TRPV5: variants seen among roughly 807,000 people sequenced by gnomAD.
The protein encoded by TRPV5 is transient receptor potential cation channel subfamily V member 5.
TRPV5 carries 66 observed loss-of-function variants against 74.1 expected under a neutral mutation model. That is an observed-to-expected ratio of 0.89 (90% CI 0.73 to 1.09). The LOEUF is 1.09. TRPV5 is among the 50% of genes least tolerant of loss of function. The pLI, the probability that TRPV5 is intolerant of heterozygous loss-of-function variation, is 0.00. For missense variants in TRPV5, 936 were observed against 930.4 expected, an observed-to-expected ratio of 1.01 and a Z score of -0.08; for synonymous variants, 399 against 360.7, an observed-to-expected ratio of 1.11 and a Z score of -1.20.
chr7:142,915,798 TC>T (rs1424744709), intron 8 of TRPV5, among the ~76,000 whole-genome samples: 1 of 152,230 alleles, frequency 6.6e-6, no homozygotes, highest in African/African-American at 2.4e-5. Flanking sequence ...TGAGCTACCA[TC>T]TAGCAAAATC....
chr7:142,910,206 A>C (rs906667540), intron 13 of TRPV5, among the ~76,000 whole-genome samples: 1 of 152,260 alleles, frequency 6.6e-6, no homozygotes, highest in Non-Finnish European at 1.5e-5. Context: ...CAACAGAAGC[A>C]ATATAAAATT....
intron 8 of TRPV5, 102 bp from the exon 9 acceptor site, chr7:142,915,670 C>T: frequency 8.9e-7 from 1 of 1,129,024 alleles, no homozygotes; most frequent in East Asian, 2.6e-5. Context: ...ATAAAGGAAA[C>T]TCCCCTTCCC....
chr7:142,924,254 G>GTATATATATACA (rs1795933252), intron 8 of TRPV5, among the ~76,000 whole-genome samples: 1 of 118,908 alleles, frequency 8.4e-6, no homozygotes, highest in African/African-American at 3.7e-5. Flanking sequence ...ACATATACAT[G>GTATATATATACA]TATATATATA....
chr7:142,911,484 C>T (rs1180780859), intron 13 of TRPV5, among the ~76,000 whole-genome samples: 2 of 152,228 alleles, frequency 1.3e-5, no homozygotes, highest in Non-Finnish European at 2.9e-5. Flanking sequence ...TTTGGGTTCT[C>T]ATCTTAAATG....
intron 7 of TRPV5, 21 bp downstream of exon 7, chr7:142,928,067 G>T (rs756302583): frequency 6.2e-7 from 1 of 1,614,016 alleles, no homozygotes; most frequent in Admixed American, 1.7e-5. Context: ...TGACAGGCCT[G>T]ATCCTCCTTG....
intron 14 of TRPV5, 47 bp from the exon 15 acceptor site, chr7:142,908,855 G>A (rs1354463378): frequency 1.7e-5 from 27 of 1,572,350 alleles, no homozygotes; most frequent in Non-Finnish European, 2.2e-5. Flanking sequence ...GGGGAGACAT[G>A]GGCAGGGGAG....
intron 8 of TRPV5, among the ~76,000 whole-genome samples, chr7:142,918,989 ATTGGGGT>A (rs1795841945): frequency 6.6e-6 from 1 of 152,118 alleles, no homozygotes; most frequent in Non-Finnish European, 1.5e-5. Flanking sequence ...ACATTGAGCT[ATTGGGGT>A]TCTGGGTTGC....
At chr7:142,911,123 G>C (rs953636709) in intron 13 of TRPV5, among the ~76,000 whole-genome samples, 1 of 152,174 alleles carries the variant, frequency 6.6e-6, no homozygotes, top group African/African-American at 2.4e-5. Flanking sequence ...TCGGAGCTGC[G>C]TGTTGCATTG....
chr7:142,913,286 GGTGGAGCCTACTGGATA>G (rs1795734088), intron 12 of TRPV5, among the ~76,000 whole-genome samples: 1 of 152,192 alleles, frequency 6.6e-6, no homozygotes, highest in Admixed American at 6.5e-5. Context: ...TCCTGCTTAG[GGTGGAGCCTACTGGATA>G]GCAGTGAGCG....
At chr7:142,914,069 A>G (rs1795750460) in intron 12 of TRPV5, among the ~76,000 whole-genome samples, 1 of 152,022 alleles carries the variant, frequency 6.6e-6, no homozygotes. Flanking sequence ...CTGTTCTCCC[A>G]GTCTCTCTTC....
chr7:142,923,367 T>G (rs1053641370), intron 8 of TRPV5, among the ~76,000 whole-genome samples: 3 of 152,204 alleles, frequency 2.0e-5, no homozygotes, highest in African/African-American at 7.2e-5. Context: ...GAAAACAGAA[T>G]CTTTCAAATC....
At chr7:142,919,906 C>A (rs1246883747) in intron 8 of TRPV5, among the ~76,000 whole-genome samples, 1 of 152,166 alleles carries the variant, frequency 6.6e-6, no homozygotes, top group African/African-American at 2.4e-5. Flanking sequence ...AGCTCTAGAC[C>A]TTTTTCCCCC....
chr7:142,929,493 G>A lies in TRPV5; in HGVS notation c.422C>T (p.Ala141Val). Residue 141 changes from alanine (A) to valine (V), a missense_variant, in exon 4 of 15, where the codon GCC becomes GTC. Physicochemically the swap from Ala to Val is moderately conservative, Grantham distance 64. Coordinates refer to ENST00000265310, the MANE Select transcript of TRPV5 (RefSeq NM_019841.7). The stretch of plus-strand genomic sequence containing the variant: ...GCCTGTGGCTCTGGCAGAGACACTG[G>A]CCCTGCGGGTGAGCAGGGCACGCAC... ...NLVRALLTRR[A>V]SVSARATGTA... is the part of the protein sequence containing the mutation. 2 of 1,614,160 alleles carry A rather than the reference G, an allele frequency of 1.2e-6. No homozygotes were observed. Among genetic ancestry groups the A allele is most frequent in the South Asian group, 1.1e-5 (1 of 91,086 alleles).
Position 142,930,597 on chromosome 7 carries a change from C to T in TRPV5, c.129-151G>A, listed in dbSNP as rs1167034523. On this transcript the variant is annotated intron_variant, in intron 1 of 14. Coordinates refer to ENST00000265310, the MANE Select transcript of TRPV5 (RefSeq NM_019841.7). ...GAAGTGCCTACTGGACTCGAATGAC[C>T]GAGGGTGGACTTGGGCAAGGGTCAG... The T allele has an allele frequency of 6.7e-5, 45 of 669,418 alleles. 1 individual carries two copies. Among genetic ancestry groups the T allele is most frequent in the Middle Eastern group, 2.6e-4 (1 of 3,892 alleles). The allele number at this position is 669,418 out of a possible 1,614,324, so 41.5% of individuals were successfully genotyped here. A position where few individuals can be genotyped will look rare whatever the true frequency, so the allele number is the denominator to read the frequency against.
chr7:142,921,353 C>A (rs1206086364), intron 8 of TRPV5, among the ~76,000 whole-genome samples: 1 of 152,156 alleles, frequency 6.6e-6, no homozygotes, highest in Non-Finnish European at 1.5e-5. Context: ...GTGATCTCGG[C>A]TCACTGCAAC....
intron 3 of TRPV5, 107 bp from the exon 4 acceptor site, chr7:142,929,672 AGACTTC>A (rs1796051328): frequency 7.2e-6 from 11 of 1,523,954 alleles, no homozygotes; most frequent in Non-Finnish European, 8.9e-6. Flanking sequence ...GATCTTTGCT[AGACTTC>A]TGCCCTGGGC....
chr7:142,929,602 G>C, intron 3 of TRPV5, 37 bp from the exon 4 acceptor site: 1 of 1,604,674 alleles, frequency 6.2e-7, no homozygotes, highest in Non-Finnish European at 8.5e-7. Flanking sequence ...GTCTCCCTCT[G>C]TCCCCAGTTC....
chr7:142,930,008 C>T, intron 3 of TRPV5, 50 bp downstream of exon 3: 4 of 1,613,140 alleles, frequency 2.5e-6, no homozygotes, highest in Non-Finnish European at 3.4e-6. Context: ...GACAACAGCA[C>T]ACCCTCCATC....
rs1261975476 is a variant in TRPV5 at position 142,908,320 on chromosome 7, A to C, written c.*194T>G. On this transcript the variant is annotated 3_prime_UTR_variant, in exon 15 of 15. Transcript: ENST00000265310. ...TGCAAGAGCCCAGAAAATACGTGAG[A>C]CAATCGATGACCATTGCCCATTGCC... 1.6e-6 allele frequency: 1 copy of C among 640,378 alleles called. No homozygotes were observed. Among genetic ancestry groups the C allele is most frequent in the African/African-American group, 1.8e-5 (1 of 54,608 alleles). 39.7% of individuals were successfully genotyped at this position (640,378 alleles called of 1,614,324 possible). A position where few individuals can be genotyped will look rare whatever the true frequency, so the allele number is the denominator to read the frequency against.
Sources: allele counts gnomAD v4.1 joint callset (sites outside exome capture counted in the v4.1 genomes callset), GRCh38; gene constraint gnomAD v4.1.1; transcripts MANE v1.5; gene names NCBI Gene and HGNC (gene_info 2026-07-23, HGNC 2026-07-21).